TMEM62: variants seen among roughly 807,000 people sequenced by gnomAD.
TMEM62 encodes transmembrane protein 62.
In TMEM62, 41 loss-of-function variants were observed where a neutral mutation model predicts 70.4. The observed-to-expected ratio is 0.58, with a 90% CI of 0.45 to 0.76. The LOEUF is 0.76. Among genes scored for constraint, TMEM62 ranks in the 30% least tolerant of loss-of-function variants. The pLI is 0.00. For synonymous variants in TMEM62, 268 were observed against 291.0 expected (o/e 0.92, Z 0.80); for missense variants, 688 against 788.5 (o/e 0.87, Z 1.53).
intron 11 of TMEM62, 30 bp from the exon 12 acceptor site, chr15:43,178,577 C>A: frequency 7.1e-7 from 1 of 1,408,688 alleles, no homozygotes; most frequent in Non-Finnish European, 1.0e-6. Context: ...TGCATGTGTT[C>A]ACTGGGTTTT....
chr15:43,134,177 C>G lies in TMEM62; in HGVS notation c.181-80C>G, dbSNP rs754943879. The G allele has an allele frequency of 9.1e-5, 138 of 1,521,560 alleles. 1 individual carries two copies. The highest frequency in any genetic ancestry group is 1.9e-4 in the Middle Eastern group (1 of 5,374). The allele number at this position is 1,521,560 out of a possible 1,614,324, so 94.3% of individuals were successfully genotyped here. ...TGCCTCTTTGCCTTTTCCTTCTGCCCGAGAGAGCCGCTGAGCCGCCCCTCC... is the reference window on the plus strand; with the variant it reads ...TGCCTCTTTGCCTTTTCCTTCTGCCGGAGAGAGCCGCTGAGCCGCCCCTCC... On this transcript the variant is annotated intron_variant, in intron 1 of 13. Transcript: ENST00000260403.
chr15:43,163,241 T>C (rs2038974114), intron 10 of TMEM62, among the ~76,000 whole-genome samples: 3 of 152,130 alleles, frequency 2.0e-5, no homozygotes, highest in Admixed American at 2.0e-4. Flanking sequence ...AAACCTTCCT[T>C]AATTTCACCT....
intron 11 of TMEM62, among the ~76,000 whole-genome samples, chr15:43,175,668 G>T (rs964004707): frequency 6.6e-6 from 1 of 152,232 alleles, no homozygotes; most frequent in Non-Finnish European, 1.5e-5. Flanking sequence ...TTAGCTGTGC[G>T]TTAAGAACTG....
chr15:43,137,547 G>C (rs564552344), intron 3 of TMEM62, among the ~76,000 whole-genome samples: 6 of 152,396 alleles, frequency 3.9e-5, no homozygotes, highest in Admixed American at 2.0e-4. Flanking sequence ...AGCTAAGTCT[G>C]TGCCAGCAGA....
At chr15:43,140,226 A>G (rs1221268339) in intron 4 of TMEM62, among the ~76,000 whole-genome samples, 2 of 152,236 alleles carry the variant, frequency 1.3e-5, no homozygotes, top group Non-Finnish European at 2.9e-5. Context: ...GTACTGTTCA[A>G]TGAGACCCAT....
chr15:43,162,182 G>A (rs1259947653), intron 10 of TMEM62, among the ~76,000 whole-genome samples: 1 of 151,714 alleles, frequency 6.6e-6, no homozygotes, highest in African/African-American at 2.4e-5. Flanking sequence ...CTGTCACCCA[G>A]GCTGGAGTAC....
At chr15:43,163,510 C>A (rs552573906) in intron 10 of TMEM62, among the ~76,000 whole-genome samples, 1 of 151,942 alleles carries the variant, frequency 6.6e-6, no homozygotes, top group Non-Finnish European at 1.5e-5. Flanking sequence ...GGGCCGGGCT[C>A]GGTGGCTCAA....
chr15:43,165,566 T>C (rs916998338), intron 10 of TMEM62, among the ~76,000 whole-genome samples: 3 of 151,884 alleles, frequency 2.0e-5, no homozygotes, highest in African/African-American at 7.3e-5. Context: ...ACCCCATCTC[T>C]ACTAAAAATA....
chr15:43,168,136 G>A (rs895795714), intron 10 of TMEM62, among the ~76,000 whole-genome samples: 3 of 140,322 alleles, frequency 2.1e-5, no homozygotes, highest in African/African-American at 8.0e-5. Flanking sequence ...GAGGGAGACC[G>A]TGGGGAGAGA....
chr15:43,181,448 T>C, intron 13 of TMEM62, 149 bp downstream of exon 13: 1 of 640,796 alleles, frequency 1.6e-6, no homozygotes, highest in Non-Finnish European at 2.8e-6. Flanking sequence ...AAAAGCTTCA[T>C]TTGCTTTTAA....
rs762244344 is a variant in TMEM62 at position 43,146,527 on chromosome 15, C to T, written c.511C>T (p.His171Tyr). The T allele has an allele frequency of 1.2e-6, 2 of 1,613,340 alleles. No individual in the cohort carries two copies. Among genetic ancestry groups the T allele is most frequent in the East Asian group, 2.2e-5 (1 of 44,858 alleles). Residue 171 changes from histidine to tyrosine, a missense_variant, in exon 5 of 14, where the codon CAT (histidine) becomes TAT (tyrosine). His to Tyr is a moderately conservative substitution (Grantham distance 83, BLOSUM62 2). Transcript: ENST00000260403. ...TGCTGTACGTAGAGATGGCTCTTTC[C>T]ATTATGTCCACAGTACTCCCTTTGG... ...YSAVRRDGSF[H>Y]YVHSTPFGNY... is the part of the protein sequence containing the mutation.
intron 3 of TMEM62, among the ~76,000 whole-genome samples, chr15:43,137,912 C>T (rs977264483): frequency 5.9e-5 from 9 of 152,190 alleles, no homozygotes; most frequent in African/African-American, 1.9e-4. Flanking sequence ...CCGAGTCATT[C>T]TCTGCCGGGC....
chr15:43,162,632 A>C (rs1020044131), intron 10 of TMEM62, among the ~76,000 whole-genome samples: 4 of 151,738 alleles, frequency 2.6e-5, no homozygotes, highest in Non-Finnish European at 5.9e-5. Context: ...GGGTTTCGCC[A>C]TGTTGGTCAG....
chr15:43,165,942 G>T (rs1179776289), intron 10 of TMEM62, among the ~76,000 whole-genome samples: 2 of 152,108 alleles, frequency 1.3e-5, no homozygotes, highest in African/African-American at 4.8e-5. Flanking sequence ...ATTTGGTGAG[G>T]TCATGTTTTC....
At chr15:43,138,768 T>TAG in intron 4 of TMEM62, 149 bp downstream of exon 4, 1 of 638,844 alleles carries the variant, frequency 1.6e-6, no homozygotes, top group Non-Finnish European at 2.8e-6. Context: ...TGAACTGAGC[T>TAG]CAAACGATCC....
chr15:43,172,841 C>T (rs1004758085), intron 11 of TMEM62, among the ~76,000 whole-genome samples: 1 of 151,914 alleles, frequency 6.6e-6, no homozygotes. Context: ...AAATAAAGAC[C>T]TTACAGGAAG....
At chr15:43,148,704 A>G in intron 5 of TMEM62, 51 bp from the exon 6 acceptor site, 1 of 1,598,130 alleles carries the variant, frequency 6.3e-7, no homozygotes, top group Non-Finnish European at 8.5e-7. Context: ...TTGACATTAG[A>G]TTTTAGCCTG....
At chr15:43,150,453 A>C (rs998370167) in intron 7 of TMEM62, among the ~76,000 whole-genome samples, 9 of 152,138 alleles carry the variant, frequency 5.9e-5, no homozygotes, top group Admixed American at 5.2e-4. Context: ...TTTTATTTGG[A>C]GCGTACTCCA....
Position 43,176,057 on chromosome 15 carries a change from A to C in TMEM62, c.1382-2550A>C, listed in dbSNP as rs1219694721. 2.0e-5 allele frequency among the ~76,000 whole-genome samples: 3 copies of C among 152,236 alleles called. No individual in the cohort carries two copies. The South Asian group carries it at 6.2e-4, about 32-fold the overall frequency. On this transcript the variant is annotated intron_variant, in intron 11 of 13. Transcript: ENST00000260403. ...TCCCGCACCTGGCTTGGAGGGTCCT[A>C]CACCCACGGAGTCTCGCTGATTGCT...
Sources: gnomAD v4.1 joint callset for allele counts (sites outside exome capture counted in the v4.1 genomes callset) on GRCh38, gnomAD v4.1.1 for gene constraint, MANE v1.5 for transcripts, NCBI Gene and HGNC (gene_info 2026-07-23, HGNC 2026-07-21) for gene names.